The following WWOX variants were observed in gnomAD, a reference collection of about 807,000 sequenced individuals.
WWOX encodes WW domain-containing oxidoreductase.
Under a neutral mutation model 46.2 loss-of-function variants are expected in WWOX, and 69 were observed. The ratio of observed to expected loss-of-function variants is 1.49; its 90% CI spans 1.23 to 1.82. The LOEUF is 1.82. WWOX is among the 40% of genes most tolerant of loss of function. The probability of loss-of-function intolerance (pLI) is 0.00; values close to 1 mark genes in which losing one functional copy is unlikely to be tolerated. For synonymous variants in WWOX, 359 were observed against 202.6 expected (o/e 1.77, Z -6.56); for missense variants, 919 against 542.6 (o/e 1.69, Z -6.89).
intron 8 of WWOX, among the ~76,000 whole-genome samples, chr16:79,015,495 G>C (rs2550723): frequency 0.4 from 61,291 of 151,898 alleles, 12,835 homozygotes; most frequent in African/African-American, 0.49. Flanking sequence ...AAACTATAAC[G>C]TCTTTATTTC....
At chr16:78,552,251 C>G (rs2044192199) in intron 8 of WWOX, 1 of 152,220 alleles carries the variant, frequency 6.6e-6, no homozygotes, top group Admixed American at 6.5e-5. Flanking sequence ...GAGGCCGTCT[C>G]ACTCCGTAAA....
intron 8 of WWOX, among the ~76,000 whole-genome samples, chr16:79,003,580 A>C (rs1365804002): frequency 6.6e-6 from 1 of 152,158 alleles, no homozygotes; most frequent in Non-Finnish European, 1.5e-5. Flanking sequence ...AGTGGAATCC[A>C]GTTGGCAGGA....
chr16:78,900,032 A>C (rs2044789751), intron 8 of WWOX, among the ~76,000 whole-genome samples: 1 of 143,812 alleles, frequency 7.0e-6, no homozygotes, highest in Admixed American at 6.9e-5. Context: ...CAAAACGGAG[A>C]TGTGCAATAT....
chr16:79,023,360 G>C (rs920632531), intron 8 of WWOX, among the ~76,000 whole-genome samples: 1 of 152,214 alleles, frequency 6.6e-6, no homozygotes, highest in South Asian at 2.1e-4. Context: ...GTTCTAGGGG[G>C]AGATGAGGAA....
rs372546942 is a variant in WWOX, at chr16:78,570,960, C to T, written c.1056+138208C>T. Among the ~76,000 whole-genome samples, 44 of 152,214 alleles carry T rather than the reference C, an allele frequency of 2.9e-4. 1 individual carries two copies. The highest frequency in any genetic ancestry group is 9.6e-4 in the African/African-American group (40 of 41,538). On this transcript the variant is annotated intron_variant, in intron 8 of 8. Transcript: ENST00000566780. ...TGGGTAGAAGGAACAGAAAGTGAAACGGTGCCCTGGCAAGGCAAAGATTAT... is the reference window on the plus strand; with the variant it reads ...TGGGTAGAAGGAACAGAAAGTGAAATGGTGCCCTGGCAAGGCAAAGATTAT...
rs78478648 is a variant in WWOX, at chr16:78,470,032, T to C, written c.1056+37280T>C. Among the ~76,000 whole-genome samples the C allele has an allele frequency of 1.8e-3, 280 of 152,316 alleles. 1 individual carries two copies. Among genetic ancestry groups the C allele is most frequent in the Non-Finnish European group, 2.7e-3 (181 of 68,032 alleles). On this transcript the variant is annotated intron_variant, in intron 8 of 8. Coordinates refer to ENST00000566780, the MANE Select transcript of WWOX (RefSeq NM_016373.4). ...CACAGTTGCTCAAAGATAGTAGAAG[T>C]TTATTTCTTGTTTATGTAAGATCCA...
At chr16:78,222,265 C>T (rs2036912055) in intron 5 of WWOX, among the ~76,000 whole-genome samples, 1 of 151,710 alleles carries the variant, frequency 6.6e-6, no homozygotes. Flanking sequence ...CAGTTCATTT[C>T]CAACGCGTAT....
chr16:78,915,754 T>C (rs1354551467), intron 8 of WWOX, among the ~76,000 whole-genome samples: 1 of 152,200 alleles, frequency 6.6e-6, no homozygotes, highest in Non-Finnish European at 1.5e-5. Context: ...AAACATTTGC[T>C]TATTGGAATC....
intron 8 of WWOX, among the ~76,000 whole-genome samples, chr16:78,481,780 T>C (rs1190351835): frequency 6.9e-6 from 1 of 144,556 alleles, no homozygotes; most frequent in Non-Finnish European, 1.5e-5. Context: ...CGCCTGCATG[T>C]GTACTGTGGA....
intron 5 of WWOX, among the ~76,000 whole-genome samples, chr16:78,242,429 C>A (rs933519745): frequency 2.0e-5 from 3 of 152,198 alleles, no homozygotes; most frequent in Non-Finnish European, 4.4e-5. Flanking sequence ...AATATTCGGG[C>A]AACACTGATT....
intron 8 of WWOX, among the ~76,000 whole-genome samples, chr16:78,770,663 C>A (rs998353086): frequency 6.6e-6 from 1 of 151,518 alleles, no homozygotes; most frequent in East Asian, 2.0e-4. Context: ...CCGCCCCCTC[C>A]CCCCCTCCCC....
chr16:78,942,732 G>C (rs758649635), intron 8 of WWOX, among the ~76,000 whole-genome samples: 1 of 152,148 alleles, frequency 6.6e-6, no homozygotes, highest in East Asian at 1.9e-4. Flanking sequence ...GCAAGACATA[G>C]GGGAGAAATA....
rs548539486 is a variant in WWOX, at chr16:78,186,830, A to G, written c.516+22541A>G. On this transcript the variant is annotated intron_variant, in intron 5 of 8. Coordinates refer to ENST00000566780, the MANE Select transcript of WWOX (RefSeq NM_016373.4). Reference sequence around the variant, plus strand: ...TAGATTCTCATAGAAGTTGCGAAGAATAGTCTATAGTATTCTTCACAAGGG... The same window carrying G: ...TAGATTCTCATAGAAGTTGCGAAGAGTAGTCTATAGTATTCTTCACAAGGG... 5.3e-4 allele frequency among the ~76,000 whole-genome samples: 81 copies of G among 152,354 alleles called. 1 individual carries two copies. The highest frequency in any genetic ancestry group is 1.9e-3 in the African/African-American group (79 of 41,592).
At chr16:78,728,153 C>T (rs954416759) in intron 8 of WWOX, among the ~76,000 whole-genome samples, 2 of 145,928 alleles carry the variant, frequency 1.4e-5, no homozygotes, top group African/African-American at 5.1e-5. Context: ...CAGCCTTAAC[C>T]TCCTGGGTTC....
chr16:79,174,999 C>G (rs1324771492), intron 8 of WWOX, among the ~76,000 whole-genome samples: 2 of 152,116 alleles, frequency 1.3e-5, no homozygotes, highest in African/African-American at 4.8e-5. Flanking sequence ...GCGTTCTCTC[C>G]CTCAGCATAC....
At chr16:79,029,694 C>G (rs567064448) in intron 8 of WWOX, among the ~76,000 whole-genome samples, 98 of 152,236 alleles carry the variant, frequency 6.4e-4, no homozygotes, top group African/African-American at 2.1e-3. Context: ...CATTGATGCG[C>G]TTAATTATGC....
intron 8 of WWOX, among the ~76,000 whole-genome samples, chr16:78,518,763 C>T (rs1167198965): frequency 6.6e-6 from 1 of 152,136 alleles, no homozygotes; most frequent in Non-Finnish European, 1.5e-5. Context: ...AGGCCAGCTT[C>T]CTAGGAGGTG....
chr16:78,802,664 C>T (rs932364373), intron 8 of WWOX, among the ~76,000 whole-genome samples: 1 of 151,580 alleles, frequency 6.6e-6, no homozygotes. Flanking sequence ...GCCTGTAATC[C>T]CAGCACTTTG....
chr16:78,583,488 A>C (rs751594097), intron 8 of WWOX, among the ~76,000 whole-genome samples: 3 of 152,174 alleles, frequency 2.0e-5, no homozygotes, highest in Non-Finnish European at 2.9e-5. Context: ...TTTTCTCTGA[A>C]AAGCATCCCA....
Sources: allele counts gnomAD v4.1 joint callset (sites outside exome capture counted in the v4.1 genomes callset), GRCh38; gene constraint gnomAD v4.1.1; transcripts MANE v1.5; gene names NCBI Gene and HGNC (gene_info 2026-07-23, HGNC 2026-07-21).